ZBTB20: variants seen among roughly 807,000 people sequenced by gnomAD.
ZBTB20 encodes zinc finger and BTB domain-containing protein 20.
ZBTB20 carries 9 observed loss-of-function variants against 56.9 expected under a neutral mutation model. The observed-to-expected ratio is 0.16, with a 90% CI of 0.10 to 0.28. The LOEUF (loss-of-function observed/expected upper bound fraction) is 0.28. Among genes scored for constraint, ZBTB20 ranks in the 10% least tolerant of loss-of-function variants. The pLI is 1.00. For missense variants in ZBTB20, 655 were observed against 1,003.0 expected (o/e 0.65, Z 4.69); for synonymous variants, 417 against 420.7 (o/e 0.99, Z 0.11).
intron 6 of ZBTB20, among the ~76,000 whole-genome samples, chr3:114,609,086 G>C (rs1382495311): frequency 2.0e-5 from 3 of 152,064 alleles, no homozygotes; most frequent in African/African-American, 7.2e-5. Context: ...TTACAAATTT[G>C]GTCTGAGACA....
intron 7 of ZBTB20, among the ~76,000 whole-genome samples, chr3:114,428,141 TAGAG>T (rs1231690139): frequency 6.6e-6 from 1 of 151,900 alleles, no homozygotes; most frequent in African/African-American, 2.4e-5. Context: ...GAAGAGAAAA[TAGAG>T]AGAATCCCCC....
rs937142793 is a variant in ZBTB20, at chr3:114,460,526, G to T, written c.-255+39826C>A. Among the ~76,000 whole-genome samples, 3 of 152,216 alleles carry T rather than the reference G, an allele frequency of 2.0e-5. No homozygotes were observed. The South Asian group carries it at 6.2e-4, about 32-fold the overall frequency. ...AAGAGGTTGGGGTTATTTGAAGAAG[G>T]GGTCATGCACCAAGGAGTGCAGGGT... On this transcript the variant is annotated intron_variant, in intron 7 of 11. Coordinates refer to ENST00000675478, the MANE Select transcript of ZBTB20 (RefSeq NM_001348800.3).
chr3:114,859,094 A>C (rs546076226), intron 4 of ZBTB20, among the ~76,000 whole-genome samples: 11 of 151,718 alleles, frequency 7.3e-5, no homozygotes, highest in Non-Finnish European at 1.5e-4. Flanking sequence ...AATATTTTTT[A>C]AAAAAACAGA....
In ZBTB20 at chr3:114,786,540, C is replaced by T. The variant is rs545548905; in HGVS notation, c.-343+14561G>A. Among the ~76,000 whole-genome samples the T allele has an allele frequency of 5.5e-4, 84 of 151,880 alleles. 1 individual carries two copies. Among genetic ancestry groups the T allele is most frequent in the Admixed American group, 9.8e-4 (15 of 15,248 alleles). On this transcript the variant is annotated intron_variant, in intron 5 of 11. Coordinates refer to ENST00000675478, the MANE Select transcript of ZBTB20 (RefSeq NM_001348800.3). Reference sequence around the variant, plus strand: ...ATTAATATACTGTCATAGGAAAAAACAGAATTTCCAAGAGGAGTGGGGGAA... The same window carrying T: ...ATTAATATACTGTCATAGGAAAAAATAGAATTTCCAAGAGGAGTGGGGGAA...
intron 7 of ZBTB20, among the ~76,000 whole-genome samples, chr3:114,401,013 C>T (rs1321799431): frequency 1.3e-5 from 2 of 151,152 alleles, no homozygotes; most frequent in Non-Finnish European, 2.9e-5. Flanking sequence ...AATTGTCTTA[C>T]ATAACCCCTG....
chr3:114,563,731 A>C (rs971464882), intron 6 of ZBTB20, among the ~76,000 whole-genome samples: 3 of 152,172 alleles, frequency 2.0e-5, no homozygotes, highest in African/African-American at 7.2e-5. Context: ...AGGCTTTTAA[A>C]ATTCATATCA....
chr3:115,026,490 T>C (rs139868000), intron 2 of ZBTB20, among the ~76,000 whole-genome samples: 1 of 150,898 alleles, frequency 6.6e-6, no homozygotes, highest in Non-Finnish European at 1.5e-5. Flanking sequence ...ATTGTGACAA[T>C]CAGACGGACT....
At chr3:114,522,078 C>T (rs1460651298) in intron 6 of ZBTB20, among the ~76,000 whole-genome samples, 4 of 152,144 alleles carry the variant, frequency 2.6e-5, no homozygotes, top group African/African-American at 9.6e-5. Flanking sequence ...GGCTTATATT[C>T]CATGGCAAGA....
intron 4 of ZBTB20, among the ~76,000 whole-genome samples, chr3:114,841,006 T>C (rs935471691): frequency 3.9e-5 from 6 of 152,196 alleles, no homozygotes; most frequent in African/African-American, 1.4e-4. Context: ...GCTATTGTAA[T>C]TTATTTTTTA....
At chr3:114,461,466 C>T (rs193176888) in intron 7 of ZBTB20, among the ~76,000 whole-genome samples, 17 of 152,162 alleles carry the variant, frequency 1.1e-4, no homozygotes, top group Admixed American at 9.2e-4. Flanking sequence ...GCCACCATGC[C>T]AGGCTAATTT....
chr3:114,792,372 G>A (rs1469922788), intron 5 of ZBTB20, among the ~76,000 whole-genome samples: 2 of 152,118 alleles, frequency 1.3e-5, no homozygotes, highest in Non-Finnish European at 2.9e-5. Context: ...CTGCTAAGCA[G>A]GAAAGATATT....
At chr3:114,378,174 C>T (rs2108509189) in intron 10 of ZBTB20, among the ~76,000 whole-genome samples, 1 of 152,056 alleles carries the variant, frequency 6.6e-6, no homozygotes, top group South Asian at 2.1e-4. Flanking sequence ...TTTTTCCTGT[C>T]TTCTCTCAAG....
intron 5 of ZBTB20, among the ~76,000 whole-genome samples, chr3:114,729,169 C>T (rs139973441): frequency 9.2e-4 from 140 of 152,276 alleles, no homozygotes; most frequent in Non-Finnish European, 1.6e-3. Context: ...AACACAGTCC[C>T]ATTTTTCACT....
chr3:114,538,064 T>C (rs2048691033), intron 6 of ZBTB20, among the ~76,000 whole-genome samples: 1 of 152,076 alleles, frequency 6.6e-6, no homozygotes, highest in Non-Finnish European at 1.5e-5. Context: ...CAAACCACCA[T>C]GGCATGTGTA....
At chr3:114,807,235 A>G (rs1287489593) in intron 4 of ZBTB20, among the ~76,000 whole-genome samples, 2 of 151,972 alleles carry the variant, frequency 1.3e-5, no homozygotes, top group Non-Finnish European at 2.9e-5. Context: ...CTCTTCTTAT[A>G]TTCAGTTAAC....
At chr3:114,498,713 G>A (rs1272232371) in intron 7 of ZBTB20, among the ~76,000 whole-genome samples, 1 of 152,174 alleles carries the variant, frequency 6.6e-6, no homozygotes, top group African/African-American at 2.4e-5. Context: ...TTAAAAAATA[G>A]GATATCTCTA....
chr3:114,874,661 C>A (rs2076127548), intron 4 of ZBTB20, among the ~76,000 whole-genome samples: 1 of 152,128 alleles, frequency 6.6e-6, no homozygotes, highest in South Asian at 2.1e-4. Flanking sequence ...GACGGCCGTC[C>A]CAGTAACAAT....
chr3:114,655,378 C>G (rs1374690245), intron 6 of ZBTB20, among the ~76,000 whole-genome samples: 2 of 150,480 alleles, frequency 1.3e-5, no homozygotes, highest in East Asian at 1.9e-4. Context: ...TCAGCCTCCC[C>G]AGTAGCTGGG....
At chr3:114,803,664 A>G (rs1393794360) in intron 4 of ZBTB20, among the ~76,000 whole-genome samples, 1 of 151,906 alleles carries the variant, frequency 6.6e-6, no homozygotes, top group African/African-American at 2.4e-5. Flanking sequence ...GAATTGCTTA[A>G]AAGACTGGTC....
Sources: gnomAD v4.1 joint callset for allele counts (sites outside exome capture counted in the v4.1 genomes callset) on GRCh38, gnomAD v4.1.1 for gene constraint, MANE v1.5 for transcripts, NCBI Gene and HGNC (gene_info 2026-07-23, HGNC 2026-07-21) for gene names.